LRCH1: variants seen among roughly 807,000 people sequenced by gnomAD.
LRCH1 encodes leucine-rich repeat and calponin homology domain-containing protein 1.
In LRCH1, 23 loss-of-function variants were observed where a neutral mutation model predicts 94.9. The ratio of observed to expected loss-of-function variants is 0.24; its 90% CI spans 0.17 to 0.34. The LOEUF (loss-of-function observed/expected upper bound fraction) is 0.34, where lower values mean the gene tolerates loss of function less well. Among genes scored for constraint, LRCH1 ranks in the 10% least tolerant of loss-of-function variants. LRCH1 has a pLI of 1.00. For synonymous variants in LRCH1, 364 were observed against 354.9 expected, an observed-to-expected ratio of 1.03 and a Z score of -0.29; for missense variants, 790 against 945.9, an observed-to-expected ratio of 0.84 and a Z score of 2.16.
At chr13:46,722,871 G>T (rs1239827491) in intron 16 of LRCH1, among the ~76,000 whole-genome samples, 4 of 152,180 alleles carry the variant, frequency 2.6e-5, no homozygotes, top group African/African-American at 9.7e-5. Context: ...TTAATGAAAG[G>T]GTTGAGTGTA....
Position 46,650,215 on chromosome 13 carries a change from A to G in LRCH1, c.322A>G (p.Arg108Gly). 1 of 1,610,996 alleles carries G rather than the reference A, an allele frequency of 6.2e-7. No homozygotes were observed. The highest frequency in any genetic ancestry group is 8.5e-7 in the Non-Finnish European group (1 of 1,178,576). The change falls in exon 2 of 20, where the codon AGA (arginine) becomes GGA (glycine). Residue 108 changes from arginine (R) to glycine (G), a missense_variant. Physicochemically the swap from Arg to Gly is moderately radical, Grantham distance 125. Coordinates refer to ENST00000389797, the MANE Select transcript of LRCH1 (RefSeq NM_001164211.2). ...DTVQADLSKN[R>G]LVEVPMELCH... is the part of the protein sequence containing the mutation. ...TTTTCTTATAGACTTATCTAAAAAC[A>G]GACTGGTTGAAGTTCCAATGGAATT...
At chr13:46,657,739 G>T (rs1164944259) in intron 2 of LRCH1, among the ~76,000 whole-genome samples, 1 of 120,708 alleles carries the variant, frequency 8.3e-6, no homozygotes, top group African/African-American at 3.1e-5. Flanking sequence ...ATGTTGTCCA[G>T]GCTGGTTTCG....
In LRCH1 at chr13:46,687,894, A is replaced by G. The variant is rs200135616; in HGVS notation, c.865A>G (p.Ile289Val). 4.2e-5 allele frequency: 68 copies of G among 1,613,240 alleles called. No homozygotes were observed. Among genetic ancestry groups the G allele is most frequent in the African/African-American group, 2.9e-4 (22 of 75,060 alleles). The change falls in exon 6 of 20, where the codon ATA (isoleucine) becomes GTA (valine). Residue 289 changes from isoleucine to valine, a missense_variant. Physicochemically the swap from Ile to Val is conservative, Grantham distance 29. Transcript: ENST00000389797. ...GKVHIFKYLSIQACQIKTADS... is the reference protein window; with the variant it reads ...GKVHIFKYLSVQACQIKTADS... ...AGTTCACATATTTAAGTATCTGAGC[A>G]TACAAGCATGCCAGATTAAGACAGC...
At position 46,744,605 on chromosome 13, in the gene LRCH1, C is replaced by T. The variant is rs1401810186; in HGVS notation, c.*2757C>T. The T allele has an allele frequency of 1.0e-6, 1 of 985,260 alleles. No individual in the cohort carries two copies. The highest frequency in any genetic ancestry group is 1.2e-6 in the Non-Finnish European group (1 of 829,934). The allele number at this position is 985,260 out of a possible 1,614,324, so 61.0% of individuals were successfully genotyped here. A position where few individuals can be genotyped will look rare whatever the true frequency, so the allele number is the denominator to read the frequency against. On this transcript the variant is annotated 3_prime_UTR_variant, in exon 20 of 20. Coordinates refer to ENST00000389797, the MANE Select transcript of LRCH1 (RefSeq NM_001164211.2). Reference sequence around the variant, plus strand: ...CAATGAGAGTAGATAAATAAAGGCACTTGATAGCCTGCTGCTATTTGTTTG... The same window carrying T: ...CAATGAGAGTAGATAAATAAAGGCATTTGATAGCCTGCTGCTATTTGTTTG...
chr13:46,611,522 C>A (rs2138003565), intron 1 of LRCH1, among the ~76,000 whole-genome samples: 1 of 152,186 alleles, frequency 6.6e-6, no homozygotes, highest in Non-Finnish European at 1.5e-5. Context: ...TAGTTTTAAT[C>A]AAAACTTTAA....
chr13:46,737,232 G>T (rs1460015794), intron 19 of LRCH1, among the ~76,000 whole-genome samples: 1 of 152,030 alleles, frequency 6.6e-6, no homozygotes, highest in African/African-American at 2.4e-5. Flanking sequence ...GTAAAGGTTA[G>T]TGGGTGAGAC....
chr13:46,580,277 T>C (rs1408067718), intron 1 of LRCH1, among the ~76,000 whole-genome samples: 1 of 152,226 alleles, frequency 6.6e-6, no homozygotes, highest in East Asian at 1.9e-4. Context: ...TTGCCTGTTA[T>C]CTGAAATTCT....
At chr13:46,620,468 T>TAA (rs533317228) in intron 1 of LRCH1, among the ~76,000 whole-genome samples, 1 of 152,166 alleles carries the variant, frequency 6.6e-6, no homozygotes, top group Admixed American at 6.5e-5. Context: ...AGTTATTCAC[T>TAA]AAAAAAATGA....
chr13:46,645,223 T>C (rs1317992119), intron 1 of LRCH1, among the ~76,000 whole-genome samples: 1 of 152,268 alleles, frequency 6.6e-6, no homozygotes, highest in Non-Finnish European at 1.5e-5. Context: ...ATGCCATTAG[T>C]AAGTGTAGCC....
intron 1 of LRCH1, among the ~76,000 whole-genome samples, chr13:46,641,635 T>G (rs1036735502): frequency 3.3e-5 from 5 of 152,132 alleles, no homozygotes; most frequent in Admixed American, 2.0e-4. Flanking sequence ...GCAAACGAGG[T>G]TCCCAGCTGT....
At chr13:46,749,679 A>G (rs1293007646), downstream of LRCH1, among the ~76,000 whole-genome samples, 1 of 152,208 alleles carries the variant, frequency 6.6e-6, no homozygotes, top group African/African-American at 2.4e-5. Flanking sequence ...CACTGTCATC[A>G]AGTAGATAAA....
intron 1 of LRCH1, among the ~76,000 whole-genome samples, chr13:46,630,173 T>C (rs1479198041): frequency 1.3e-5 from 2 of 152,210 alleles, no homozygotes; most frequent in Non-Finnish European, 2.9e-5. Flanking sequence ...TCATTGAAAA[T>C]TGATGATAAT....
chr13:46,680,420 A>T (rs1303716888), intron 3 of LRCH1, among the ~76,000 whole-genome samples: 1 of 152,216 alleles, frequency 6.6e-6, no homozygotes, highest in South Asian at 2.1e-4. Context: ...TTACAGTGAC[A>T]TGCTATCTAA....
At position 46,741,834 on chromosome 13, in the gene LRCH1, G is replaced by T. The variant is rs1169016981; in HGVS notation, c.2278G>T (p.Ala760Ser). Reference sequence around the variant, plus strand: ...GGTCTATATCACTTACCACTGGAATGCTCTGTCCGCATAATGTCTGCACGT... The same window carrying T: ...GGTCTATATCACTTACCACTGGAATTCTCTGTCCGCATAATGTCTGCACGT... The part of the protein sequence containing the change: ...VLVYITYHWN[A>S]LSA Residue 760 changes from alanine to serine, a missense_variant, in exon 20 of 20, where the codon GCT (alanine) becomes TCT (serine). Physicochemically the swap from Ala to Ser is moderately conservative, Grantham distance 99. Coordinates refer to ENST00000389797, the MANE Select transcript of LRCH1 (RefSeq NM_001164211.2). 1 of 1,614,056 alleles carries T rather than the reference G, an allele frequency of 6.2e-7. No homozygotes were observed. The highest frequency in any genetic ancestry group is 8.5e-7 in the Non-Finnish European group (1 of 1,180,028).
chr13:46,601,677 G>A (rs1440080186), intron 1 of LRCH1, among the ~76,000 whole-genome samples: 1 of 152,146 alleles, frequency 6.6e-6, no homozygotes, highest in Admixed American at 6.5e-5. Context: ...TATTTCCATA[G>A]CAATGTTTAA....
chr13:46,585,823 AT>A (rs1381044856), intron 1 of LRCH1, among the ~76,000 whole-genome samples: 1 of 151,844 alleles, frequency 6.6e-6, no homozygotes, highest in Non-Finnish European at 1.5e-5. Context: ...GTACTAAGAA[AT>A]CCTTTCCAGC....
intron 2 of LRCH1, among the ~76,000 whole-genome samples, chr13:46,650,964 A>T (rs540486843): frequency 2.8e-4 from 42 of 152,330 alleles, no homozygotes; most frequent in Non-Finnish European, 5.3e-4. Flanking sequence ...TGCACAACAT[A>T]ATATCATATA....
chr13:46,577,240 G>A (rs536573557), intron 1 of LRCH1, among the ~76,000 whole-genome samples: 1 of 152,116 alleles, frequency 6.6e-6, no homozygotes, highest in African/African-American at 2.4e-5. Flanking sequence ...AGGATTACAG[G>A]CACACGCCAC....
exon 19 of LRCH1, chr13:46,751,504 T>G (rs934365377): frequency 4.0e-5 from 6 of 151,622 alleles, no homozygotes; most frequent in Non-Finnish European, 7.3e-5. Context: ...CCAAAGTTAT[T>G]TGTAAATAGC....
Sources: gnomAD v4.1 joint callset for allele counts (sites outside exome capture counted in the v4.1 genomes callset) on GRCh38, gnomAD v4.1.1 for gene constraint, MANE v1.5 for transcripts, NCBI Gene and HGNC (gene_info 2026-07-23, HGNC 2026-07-21) for gene names.